NTM: variants seen among roughly 807,000 people sequenced by gnomAD.
NTM encodes the protein neurotrimin.
Under a neutral mutation model 42.1 loss-of-function variants are expected in NTM, and 13 were observed. The ratio of observed to expected loss-of-function variants is 0.31; its 90% CI spans 0.20 to 0.49. The LOEUF (loss-of-function observed/expected upper bound fraction) is 0.49. Ranked by LOEUF, NTM falls within the 20% of genes least tolerant of loss-of-function variation. The pLI is 0.99. For synonymous variants in NTM, 187 were observed against 179.2 expected, an observed-to-expected ratio of 1.04 and a Z score of -0.35; for missense variants, 373 against 452.8, an observed-to-expected ratio of 0.82 and a Z score of 1.60.
At chr11:131,782,136 A>G (rs546109817) in intron 1 of NTM, among the ~76,000 whole-genome samples, 2 of 152,346 alleles carry the variant, frequency 1.3e-5, no homozygotes, top group East Asian at 3.9e-4. Flanking sequence ...AGGAAGATTA[A>G]TAAATCCCAA....
At chr11:131,621,456 T>C (rs1157466555) in intron 1 of NTM, among the ~76,000 whole-genome samples, 1 of 151,914 alleles carries the variant, frequency 6.6e-6, no homozygotes, top group Non-Finnish European at 1.5e-5. Flanking sequence ...AGGGCAAGTG[T>C]GCTGTCTGTC....
chr11:131,655,008 G>A (rs2134385021), intron 1 of NTM, among the ~76,000 whole-genome samples: 1 of 152,272 alleles, frequency 6.6e-6, no homozygotes, highest in South Asian at 2.1e-4. Flanking sequence ...GCTGGGCCTG[G>A]GGCTCGCACC....
chr11:131,687,434 T>A (rs927281709), intron 1 of NTM, among the ~76,000 whole-genome samples: 1 of 152,176 alleles, frequency 6.6e-6, no homozygotes, highest in African/African-American at 2.4e-5. Context: ...CGCTGTGGCC[T>A]GGGCCTTCCA....
At chr11:131,672,092 CTGGAG>C (rs2070387281) in intron 1 of NTM, among the ~76,000 whole-genome samples, 3 of 152,236 alleles carry the variant, frequency 2.0e-5, no homozygotes, top group Admixed American at 2.0e-4. Context: ...TTGCCTGTTT[CTGGAG>C]TGGACTCGGC....
chr11:132,307,186 TGTTA>T (rs2095117985), intron 4 of NTM, among the ~76,000 whole-genome samples: 1 of 152,174 alleles, frequency 6.6e-6, no homozygotes. Context: ...AAATTTTTTA[TGTTA>T]GTGTTTCTGC....
At chr11:131,623,949 T>TCCACTCTCAC (rs1282156359) in intron 1 of NTM, among the ~76,000 whole-genome samples, 1 of 152,222 alleles carries the variant, frequency 6.6e-6, no homozygotes, top group African/African-American at 2.4e-5. Context: ...AGTCTCCTCA[T>TCCACTCTCAC]CCACTCTCAC....
At chr11:131,398,727 C>T (rs1944820854) in intron 1 of NTM, among the ~76,000 whole-genome samples, 1 of 152,074 alleles carries the variant, frequency 6.6e-6, no homozygotes, top group African/African-American at 2.4e-5. Context: ...TCTATTACCA[C>T]CAATACTCTT....
chr11:131,598,559 C>A (rs911913056), intron 1 of NTM, among the ~76,000 whole-genome samples: 21 of 152,218 alleles, frequency 1.4e-4, no homozygotes, highest in Admixed American at 5.2e-4. Flanking sequence ...AGAGCTCCCC[C>A]CTCCATTAGT....
intron 1 of NTM, among the ~76,000 whole-genome samples, chr11:131,906,784 T>C (rs939621224): frequency 7.9e-5 from 12 of 152,218 alleles, no homozygotes; most frequent in Non-Finnish European, 5.9e-5. Context: ...ATATCCTCCT[T>C]CTCAGTTCTC....
chr11:132,069,724 G>C (rs1442319341), intron 2 of NTM, among the ~76,000 whole-genome samples: 2 of 150,262 alleles, frequency 1.3e-5, no homozygotes, highest in Non-Finnish European at 2.9e-5. Context: ...ACGTCACACT[G>C]ACCATCACAG....
chr11:131,741,562 C>T (rs1328896804), intron 1 of NTM, among the ~76,000 whole-genome samples: 1 of 152,178 alleles, frequency 6.6e-6, no homozygotes, highest in African/African-American at 2.4e-5. Flanking sequence ...AAAAGTACAT[C>T]TTCAAACTAC....
intron 1 of NTM, among the ~76,000 whole-genome samples, chr11:131,434,739 T>C (rs1463945466): frequency 6.6e-6 from 1 of 152,262 alleles, no homozygotes; most frequent in East Asian, 1.9e-4. Flanking sequence ...TTCTGTAGGT[T>C]GCCTATTCAC....
intron 1 of NTM, among the ~76,000 whole-genome samples, chr11:131,575,005 C>T (rs1436663384): frequency 6.6e-6 from 1 of 152,194 alleles, no homozygotes. Context: ...AGACAGCAAG[C>T]ACTTCAATCT....
intron 2 of NTM, among the ~76,000 whole-genome samples, chr11:132,063,797 G>A (rs778606916): frequency 2.0e-5 from 3 of 152,222 alleles, no homozygotes; most frequent in Non-Finnish European, 4.4e-5. Flanking sequence ...ATCCTGGTAT[G>A]TGAGTCTGTC....
intron 1 of NTM, among the ~76,000 whole-genome samples, chr11:131,481,216 A>G (rs1339149171): frequency 6.6e-6 from 1 of 152,210 alleles, no homozygotes; most frequent in Non-Finnish European, 1.5e-5. Flanking sequence ...TATTTAGCAG[A>G]ATATTGAAGG....
intron 2 of NTM, among the ~76,000 whole-genome samples, chr11:132,044,240 A>G (rs2077668813): frequency 6.6e-6 from 1 of 152,094 alleles, no homozygotes. Context: ...GTCATTCTAT[A>G]ACTTGTGGCA....
chr11:131,598,843 TTCTTTCTTC>T (rs2060158882), intron 1 of NTM, among the ~76,000 whole-genome samples: 1 of 36,000 alleles, frequency 2.8e-5, no homozygotes, highest in African/African-American at 8.7e-5. Context: ...CTTTCTTTCT[TTCTTTCTTC>T]CTTCCTTCCT....
chr11:132,055,681 G>C (rs1216575346), intron 2 of NTM, among the ~76,000 whole-genome samples: 1 of 85,772 alleles, frequency 1.2e-5, no homozygotes, highest in Non-Finnish European at 2.9e-5. Context: ...GAGAGAGAGA[G>C]ACAGAGAGAG....
At chr11:132,103,169 C>T (rs1205524570) in intron 2 of NTM, among the ~76,000 whole-genome samples, 5 of 152,240 alleles carry the variant, frequency 3.3e-5, no homozygotes, top group South Asian at 2.1e-4. Flanking sequence ...GGCAGCACCT[C>T]CTCCTCACCG....
Sources: gnomAD v4.1 joint callset for allele counts (sites outside exome capture counted in the v4.1 genomes callset) on GRCh38, gnomAD v4.1.1 for gene constraint, MANE v1.5 for transcripts, NCBI Gene and HGNC (gene_info 2026-07-23, HGNC 2026-07-21) for gene names.